Variants in COL9A1 observed in about 807,000 individuals in gnomAD.
COL9A1 encodes collagen alpha-1(IX) chain.
In COL9A1, 104 loss-of-function variants were observed where a neutral mutation model predicts 142.6. The ratio of observed to expected loss-of-function variants is 0.73; its 90% CI spans 0.62 to 0.86. COL9A1 has a LOEUF of 0.86. Among genes scored for constraint, COL9A1 ranks in the 40% least tolerant of loss-of-function variants. COL9A1 has a pLI of 0.00. For missense variants in COL9A1, 1,210 were observed against 1,176.6 expected (o/e 1.03, Z -0.42); for synonymous variants, 466 against 396.0 (o/e 1.18, Z -2.10).
chr6:70,259,394 G>T (rs989834207), intron 20 of COL9A1, among the ~76,000 whole-genome samples: 7 of 152,116 alleles, frequency 4.6e-5, no homozygotes, highest in African/African-American at 1.7e-4. Context: ...ATTTTCTGGA[G>T]CCTATAAATT....
At chr6:70,247,757 A>T (rs1185374076) in intron 28 of COL9A1, among the ~76,000 whole-genome samples, 4 of 152,176 alleles carry the variant, frequency 2.6e-5, no homozygotes, top group Admixed American at 2.6e-4. Flanking sequence ...TAGTTTGCAT[A>T]TTTCTCTTGT....
chr6:70,283,560 G>A (rs549199812), intron 6 of COL9A1, among the ~76,000 whole-genome samples, 177 bp downstream of exon 6: 1 of 152,320 alleles, frequency 6.6e-6, no homozygotes, highest in Non-Finnish European at 1.5e-5. Context: ...CCGCCAGGTC[G>A]AAAGTATGAA....
intron 37 of COL9A1, among the ~76,000 whole-genome samples, chr6:70,220,412 GT>G (rs1768808892): frequency 6.6e-6 from 1 of 151,370 alleles, no homozygotes; most frequent in Non-Finnish European, 1.5e-5. Context: ...GTGTGTGTGT[GT>G]GTGTGGTCAT....
intron 28 of COL9A1, among the ~76,000 whole-genome samples, chr6:70,244,924 T>C (rs1393605747): frequency 6.6e-6 from 1 of 152,232 alleles, no homozygotes; most frequent in Non-Finnish European, 1.5e-5. Context: ...CCTGCTCTGC[T>C]GAACTTGTGT....
rs572373167 is a variant in COL9A1, at chr6:70,267,601, C to A, written c.1288-831G>T. Among the ~76,000 whole-genome samples the A allele has an allele frequency of 5.3e-5, 8 of 152,184 alleles. No individual in the cohort carries two copies. In the South Asian group the frequency reaches 1.7e-3, roughly 32 times the overall value. On this transcript the variant is annotated intron_variant, in intron 17 of 37. Transcript: ENST00000357250. The stretch of plus-strand genomic sequence containing the variant: ...CCTCCCAAAGTGCTGGGATTACAGG[C>A]GTGAGCCACCGCGCCCGGCCTACTG...
chr6:70,271,128 T>C (rs1772371777), intron 14 of COL9A1, among the ~76,000 whole-genome samples: 2 of 152,198 alleles, frequency 1.3e-5, no homozygotes, highest in South Asian at 4.1e-4. Flanking sequence ...CTTCCCACAG[T>C]GAGTTTACAA....
chr6:70,270,235 A>C, intron 15 of COL9A1, 79 bp downstream of exon 15: 1 of 1,397,270 alleles, frequency 7.2e-7, no homozygotes, highest in Non-Finnish European at 1.0e-6. Context: ...ATTAATAGGA[A>C]CTTCCATTTT....
At chr6:70,253,660 A>T (rs1771094310) in intron 25 of COL9A1, among the ~76,000 whole-genome samples, 1 of 152,258 alleles carries the variant, frequency 6.6e-6, no homozygotes, top group Non-Finnish European at 1.5e-5. Context: ...AGTACCCTTA[A>T]AGCAAATCTT....
intron 36 of COL9A1, among the ~76,000 whole-genome samples, chr6:70,230,291 T>C (rs1166781613): frequency 6.6e-6 from 1 of 152,176 alleles, no homozygotes; most frequent in Non-Finnish European, 1.5e-5. Context: ...TTTCCAAAAG[T>C]ATGACAGTGT....
At chr6:70,283,280 G>T in intron 6 of COL9A1, 1 of 1,406,246 alleles carries the variant, frequency 7.1e-7, no homozygotes, top group South Asian at 1.5e-5. Context: ...AGGGGAGGAC[G>T]GATAGAATGA....
chr6:70,271,664 T>C lies in COL9A1; in HGVS notation c.1134A>G (p.Val378=). 1 of 1,613,922 alleles carries C rather than the reference T, an allele frequency of 6.2e-7. No individual in the cohort carries two copies. The highest frequency in any genetic ancestry group is 8.5e-7 in the Non-Finnish European group (1 of 1,179,818). The change falls in exon 14 of 38, where the codon GTA becomes GTG. Residue 378 remains valine, a synonymous_variant. Coordinates refer to ENST00000357250, the MANE Select transcript of COL9A1 (RefSeq NM_001851.6). ...TAGLPGELGR[V]GPVGDPGRRG... The stretch of plus-strand genomic sequence containing the variant: ...GCACTGTGGTACTCACAACAGGTCC[T>C]ACACGGCCAAGCTCTCCAGGGAGTC...
At chr6:70,281,180 A>T in intron 8 of COL9A1, 141 bp from the exon 9 acceptor site, 1 of 815,992 alleles carries the variant, frequency 1.2e-6, no homozygotes, top group Non-Finnish European at 1.9e-6. Context: ...CAACAAGGAC[A>T]ACAGAGACAC....
At chr6:70,260,478 G>T (rs1422376622) in intron 20 of COL9A1, among the ~76,000 whole-genome samples, 179 bp downstream of exon 20, 1 of 150,838 alleles carries the variant, frequency 6.6e-6, no homozygotes, top group African/African-American at 2.4e-5. Context: ...AACCCAGGAG[G>T]CAGAGGTTGC....
At chr6:70,296,440 A>G (rs1773853145) in intron 4 of COL9A1, among the ~76,000 whole-genome samples, 1 of 152,162 alleles carries the variant, frequency 6.6e-6, no homozygotes, top group East Asian at 1.9e-4. Flanking sequence ...AAAATTATAC[A>G]AGAACCATTG....
rs371900114 is a variant in COL9A1, at chr6:70,300,248, TA to T, written c.166+60del. ...TATTTCTTTCCACAACTTTCCCAAATAAAAAAAAAAATCAGGTTTATAGAAA... is the reference window on the plus strand; with the variant it reads ...TATTTCTTTCCACAACTTTCCCAAATAAAAAAAAAATCAGGTTTATAGAAA... On this transcript the variant is annotated intron_variant, in intron 3 of 37. Coordinates refer to ENST00000357250, the MANE Select transcript of COL9A1 (RefSeq NM_001851.6). 12,014 of 1,219,148 alleles carry T rather than the reference TA, an allele frequency of 9.9e-3. 29 individuals carry two copies. Among genetic ancestry groups the T allele is most frequent in the African/African-American group, 0.034 (2,159 of 63,834 alleles). The allele number at this position is 1,219,148 out of a possible 1,614,324, so 75.5% of individuals were successfully genotyped here.
chr6:70,287,678 C>T (rs1459995028), intron 5 of COL9A1, among the ~76,000 whole-genome samples: 1 of 152,192 alleles, frequency 6.6e-6, no homozygotes, highest in Non-Finnish European at 1.5e-5. Context: ...CTTTCACTCC[C>T]AACACTCCAA....
intron 37 of COL9A1, among the ~76,000 whole-genome samples, chr6:70,219,339 C>T (rs1768727480): frequency 6.6e-6 from 1 of 152,262 alleles, no homozygotes. Context: ...GGTGGGCAAA[C>T]TTCAGCTCAT....
chr6:70,287,652 A>T (rs566638246), intron 5 of COL9A1, among the ~76,000 whole-genome samples: 1 of 152,100 alleles, frequency 6.6e-6, no homozygotes, highest in East Asian at 1.9e-4. Flanking sequence ...TTTCTCTTGA[A>T]CCCATTCCAG....
chr6:70,245,496 C>T (rs769531274), intron 28 of COL9A1, among the ~76,000 whole-genome samples: 18 of 152,308 alleles, frequency 1.2e-4, no homozygotes, highest in Non-Finnish European at 2.4e-4. Flanking sequence ...TAGTCTTCAA[C>T]AGCCTTGGTG....
Sources: gnomAD v4.1 joint callset for allele counts (sites outside exome capture counted in the v4.1 genomes callset) on GRCh38, gnomAD v4.1.1 for gene constraint, MANE v1.5 for transcripts, NCBI Gene and HGNC (gene_info 2026-07-23, HGNC 2026-07-21) for gene names.